Variants in CAGE1 observed in about 807,000 individuals in gnomAD.
The protein encoded by CAGE1 is cancer antigen 1.
CAGE1 carries 66 observed loss-of-function variants against 94.9 expected under a neutral mutation model. The ratio of observed to expected loss-of-function variants is 0.70; its 90% CI spans 0.57 to 0.85. CAGE1 has a LOEUF of 0.85. CAGE1 is among the 40% of genes least tolerant of loss of function. The pLI is 0.00. For synonymous variants in CAGE1, 319 were observed against 321.0 expected, an observed-to-expected ratio of 0.99 and a Z score of 0.07; for missense variants, 865 against 950.4, an observed-to-expected ratio of 0.91 and a Z score of 1.18.
In CAGE1 at chr6:7,389,446, C is replaced by T. The variant is rs1761258823; in HGVS notation, c.-268G>A. 1 of 410,906 alleles carries T rather than the reference C, an allele frequency of 2.4e-6. No individual in the cohort carries two copies. Among genetic ancestry groups the T allele is most frequent in the Admixed American group, 2.9e-5 (1 of 34,896 alleles). The allele number at this position is 410,906 out of a possible 1,614,324, so 25.5% of individuals were successfully genotyped here. A position where few individuals can be genotyped will look rare whatever the true frequency, so the allele number is the denominator to read the frequency against. On this transcript the variant is annotated 5_prime_UTR_variant, in exon 1 of 14. Coordinates refer to ENST00000502583, the MANE Select transcript of CAGE1 (RefSeq NM_001170692.2). The stretch of plus-strand genomic sequence containing the variant: ...TGCTGGAACGCCCCTGTGTGACGTC[C>T]GCCCGCGCCGGGGGAACTCCGCAGA...
At chr6:7,361,199 G>A (rs911939731) in intron 9 of CAGE1, among the ~76,000 whole-genome samples, 3 of 152,098 alleles carry the variant, frequency 2.0e-5, no homozygotes, top group African/African-American at 4.8e-5. Flanking sequence ...TTGTCCTAGT[G>A]GGCCTGAGAT....
At chr6:7,331,356 C>A in intron 12 of CAGE1, 1 of 1,025,402 alleles carries the variant, frequency 9.8e-7, no homozygotes. Context: ...CAAGGCAAAT[C>A]CCAGGACAGC....
Position 7,373,756 on chromosome 6 carries a change from T to G in CAGE1, c.1063A>C (p.Asn355His), listed in dbSNP as rs199880823. The change falls in exon 5 of 14, where the codon AAT becomes CAT. Residue 355 changes from asparagine to histidine, a missense_variant. By Grantham distance (68) the Asn-to-His change is moderately conservative. Coordinates refer to ENST00000502583, the MANE Select transcript of CAGE1 (RefSeq NM_001170692.2). ...TCTTCAACATTCTCCTTTAGCTTAT[T>G]GATGACATCAATGAACACTTGCTGT... is the stretch of plus-strand genomic sequence containing the variant. ...TKQQVFIDVI[N>H]KLKENVEELI... 6.2e-4 allele frequency: 999 copies of G among 1,613,684 alleles called. 4 individuals are homozygous for G. Among genetic ancestry groups the G allele is most frequent in the South Asian group, 4.2e-3 (379 of 91,064 alleles).
At chr6:7,368,200 C>A (rs1581688480) in intron 7 of CAGE1, among the ~76,000 whole-genome samples, 1 of 143,434 alleles carries the variant, frequency 7.0e-6, no homozygotes. Flanking sequence ...CTGCAGTGAG[C>A]CAAGATCATG....
intron 12 of CAGE1, among the ~76,000 whole-genome samples, chr6:7,332,433 G>A (rs1034170956): frequency 6.6e-6 from 1 of 152,046 alleles, no homozygotes; most frequent in African/African-American, 2.4e-5. Context: ...GGCCTCCTTG[G>A]GCAGAGCTGA....
At chr6:7,345,630 G>A (rs950554136) in intron 11 of CAGE1, among the ~76,000 whole-genome samples, 2 of 152,142 alleles carry the variant, frequency 1.3e-5, no homozygotes, top group Non-Finnish European at 2.9e-5. Flanking sequence ...TAAGGCCTGT[G>A]AACGGAAAAA....
chr6:7,341,318 A>G lies in CAGE1; in HGVS notation c.2370-7228T>C, dbSNP rs1035953412. The G allele has an allele frequency of 4.4e-6, 3 of 684,082 alleles. No individual in the cohort carries two copies. In the African/African-American group the frequency reaches 5.3e-5, roughly 12 times the overall value. 42.4% of individuals were successfully genotyped at this position (684,082 alleles called of 1,614,324 possible). On this transcript the variant is annotated intron_variant, in intron 11 of 13. Transcript: ENST00000502583. Reference sequence around the variant, plus strand: ...TACCAAAGAGGAAGCCAGAGATGCCAAAATCCTTACTGGTGTCCCAGATCA... The same window carrying G: ...TACCAAAGAGGAAGCCAGAGATGCCGAAATCCTTACTGGTGTCCCAGATCA...
intron 11 of CAGE1, among the ~76,000 whole-genome samples, chr6:7,335,259 C>G (rs921839369): frequency 6.6e-6 from 1 of 152,178 alleles, no homozygotes; most frequent in Non-Finnish European, 1.5e-5. Flanking sequence ...ATCTGCAAGG[C>G]TCTTTTGCTA....
chr6:7,361,975 A>G (rs1255561099), intron 9 of CAGE1, among the ~76,000 whole-genome samples: 1 of 152,234 alleles, frequency 6.6e-6, no homozygotes, highest in Non-Finnish European at 1.5e-5. Context: ...CACCGTGCCA[A>G]ATCCAGATAC....
Position 7,389,364 on chromosome 6 carries a change from C to A in CAGE1, c.-186G>T. The A allele has an allele frequency of 6.6e-6, 3 of 455,890 alleles. No individual in the cohort carries two copies. The highest frequency in any genetic ancestry group is 3.1e-5 in the South Asian group (2 of 64,548). 28.2% of individuals were successfully genotyped at this position (455,890 alleles called of 1,614,324 possible). A position where few individuals can be genotyped will look rare whatever the true frequency, so the allele number is the denominator to read the frequency against. On this transcript the variant is annotated 5_prime_UTR_variant, in exon 1 of 14. Transcript: ENST00000502583. ...GCACCGGGTTTTGTGGGAGGGAGAA[C>A]GCTTTCCAACCTCCTCCACCAAGGA...
intron 9 of CAGE1, among the ~76,000 whole-genome samples, chr6:7,359,301 C>T (rs532092634): frequency 6.6e-6 from 1 of 152,356 alleles, no homozygotes; most frequent in Admixed American, 6.5e-5. Flanking sequence ...CCCACCTCGG[C>T]CTCCCAAAGT....
At chr6:7,359,059 T>G (rs1053759521) in intron 9 of CAGE1, among the ~76,000 whole-genome samples, 1 of 152,194 alleles carries the variant, frequency 6.6e-6, no homozygotes, top group African/African-American at 2.4e-5. Context: ...ATCTTTTTTT[T>G]TTTTGAAACG....
At chr6:7,345,761 A>C (rs565749865) in intron 11 of CAGE1, among the ~76,000 whole-genome samples, 1 of 151,638 alleles carries the variant, frequency 6.6e-6, no homozygotes, top group South Asian at 2.1e-4. Flanking sequence ...GTCTCTACTA[A>C]AAATACAAAA....
In CAGE1 at chr6:7,365,845, ACT is replaced by A; in HGVS notation, c.2042_2043del (p.Glu681ValfsTer4). The A allele has an allele frequency of 1.9e-6, 3 of 1,540,756 alleles. No homozygotes were observed. The highest frequency in any genetic ancestry group is 2.6e-6 in the Non-Finnish European group (3 of 1,139,738). On this transcript the variant is annotated frameshift_variant, in exon 8 of 14. Coordinates refer to ENST00000502583, the MANE Select transcript of CAGE1 (RefSeq NM_001170692.2). LOFTEE classifies it high-confidence loss of function. ...TGAAATGCTTTTTCCTTAGCAATTA[ACT>A]CTCTAAAGGTTGTGATTCTATCTTT... ...KHKDRITTFR[E>X]LIAKEKAFQD... is the part of the protein sequence containing the mutation.
At chr6:7,341,761 G>A (rs1759186454) in intron 11 of CAGE1, 3 of 687,910 alleles carry the variant, frequency 4.4e-6, no homozygotes, top group Non-Finnish European at 8.3e-6. Context: ...CAGAACCATG[G>A]CCAGTGCAGA....
intron 12 of CAGE1, among the ~76,000 whole-genome samples, chr6:7,333,657 T>C (rs1401432735): frequency 9.0e-6 from 1 of 111,660 alleles, no homozygotes; most frequent in Non-Finnish European, 1.7e-5. Flanking sequence ...TATATATATA[T>C]ATATATATAT....
Position 7,373,841 on chromosome 6 carries a change from G to A in CAGE1, c.978C>T (p.Leu326=). 5 of 1,613,858 alleles carry A rather than the reference G, an allele frequency of 3.1e-6. No individual in the cohort carries two copies. Among genetic ancestry groups the A allele is most frequent in the Non-Finnish European group, 4.2e-6 (5 of 1,179,864 alleles). Residue 326 remains leucine, a synonymous_variant, in exon 5 of 14, where the codon CTC becomes CTT. Coordinates refer to ENST00000502583, the MANE Select transcript of CAGE1 (RefSeq NM_001170692.2). ...NRKQEVRIQE[L]QCSNLYLEKR... ...TCTCTAAATACAGGTTACTACACTG[G>A]AGTTCTTGGATTCGCACTTCCTGCT...
chr6:7,332,999 G>T (rs1758809503), intron 12 of CAGE1, among the ~76,000 whole-genome samples: 1 of 151,766 alleles, frequency 6.6e-6, no homozygotes, highest in Non-Finnish European at 1.5e-5. Flanking sequence ...TGCCCAGGCT[G>T]TAGTGCAGTG....
chr6:7,388,069 C>A (rs1181602664), intron 1 of CAGE1, among the ~76,000 whole-genome samples: 1 of 150,194 alleles, frequency 6.7e-6, no homozygotes, highest in Non-Finnish European at 1.5e-5. Flanking sequence ...TTTCAGTAAC[C>A]TGTGCTTTCT....
Sources: allele counts gnomAD v4.1 joint callset (sites outside exome capture counted in the v4.1 genomes callset), GRCh38; gene constraint gnomAD v4.1.1; transcripts MANE v1.5; gene names NCBI Gene and HGNC (gene_info 2026-07-23, HGNC 2026-07-21).